The following MYT1L variants were observed in gnomAD, a reference collection of about 807,000 sequenced individuals.
The protein encoded by MYT1L is myelin transcription factor 1 like.
A neutral mutation model predicts 126.7 loss-of-function variants in MYT1L; 12 were observed. That is an observed-to-expected ratio of 0.09 (90% CI 0.06 to 0.15). MYT1L has a LOEUF of 0.15. Ranked by LOEUF, MYT1L falls within the 10% of genes least tolerant of loss-of-function variation. The probability of loss-of-function intolerance (pLI) is 1.00; values close to 1 mark genes in which losing one functional copy is unlikely to be tolerated. For synonymous variants in MYT1L, 541 were observed against 604.2 expected, an observed-to-expected ratio of 0.90 and a Z score of 1.53; for missense variants, 979 against 1,585.2, an observed-to-expected ratio of 0.62 and a Z score of 6.49.
At chr2:1,809,010 C>T (rs2036160344) in intron 22 of MYT1L, 66 bp downstream of exon 22, 1 of 1,400,124 alleles carries the variant, frequency 7.1e-7, no homozygotes, top group Non-Finnish European at 1.0e-6. Context: ...GGACACACAG[C>T]TGGCATGGCC....
chr2:1,892,982 A>T (rs916171341), intron 14 of MYT1L, among the ~76,000 whole-genome samples: 1 of 152,274 alleles, frequency 6.6e-6, no homozygotes. Context: ...GCTCAGGATA[A>T]ATGTCGAAAC....
At chr2:2,119,757 T>C (rs1028202388) in intron 3 of MYT1L, among the ~76,000 whole-genome samples, 4 of 152,238 alleles carry the variant, frequency 2.6e-5, no homozygotes, top group Admixed American at 6.5e-5. Flanking sequence ...TACTCAAGTA[T>C]ACAAAACTGT....
chr2:1,940,237 T>C (rs1261567579), intron 9 of MYT1L, among the ~76,000 whole-genome samples: 2 of 150,722 alleles, frequency 1.3e-5, no homozygotes, highest in Admixed American at 1.3e-4. Flanking sequence ...GTAAACTGGG[T>C]GCACCTGTCT....
At chr2:2,157,609 G>A (rs528252746) in intron 3 of MYT1L, among the ~76,000 whole-genome samples, 1 of 152,252 alleles carries the variant, frequency 6.6e-6, no homozygotes, top group Admixed American at 6.5e-5. Flanking sequence ...TGATACATGT[G>A]CTGAGCATAT....
At chr2:2,184,592 T>C (rs1247284890) in intron 2 of MYT1L, among the ~76,000 whole-genome samples, 2 of 152,254 alleles carry the variant, frequency 1.3e-5, no homozygotes, top group Admixed American at 6.5e-5. Flanking sequence ...ACACTCCAAT[T>C]TGCCCAACCT....
intron 3 of MYT1L, among the ~76,000 whole-genome samples, chr2:2,056,804 A>G (rs985535405): frequency 1.1e-4 from 16 of 152,256 alleles, no homozygotes; most frequent in African/African-American, 3.4e-4. Context: ...TGGGGCTCTC[A>G]GTCACACTCT....
At chr2:1,886,456 C>A in intron 18 of MYT1L, 83 bp downstream of exon 18, 1 of 1,035,052 alleles carries the variant, frequency 9.7e-7, no homozygotes. Flanking sequence ...AGACATTTTT[C>A]TTTGCAAATG....
chr2:2,296,558 T>A (rs1455374703), intron 1 of MYT1L, among the ~76,000 whole-genome samples: 2 of 152,196 alleles, frequency 1.3e-5, no homozygotes, highest in African/African-American at 4.8e-5. Context: ...GATGTTTTGT[T>A]TTTTTCTAGA....
chr2:1,823,963 C>G (rs149425810), intron 21 of MYT1L, among the ~76,000 whole-genome samples: 5 of 152,280 alleles, frequency 3.3e-5, no homozygotes, highest in Non-Finnish European at 7.3e-5. Flanking sequence ...TGGGCCTCGC[C>G]GTCCCTGGCA....
chr2:1,849,055 G>T (rs2042873877), intron 19 of MYT1L, among the ~76,000 whole-genome samples: 1 of 151,846 alleles, frequency 6.6e-6, no homozygotes, highest in Non-Finnish European at 1.5e-5. Flanking sequence ...TTAATCATGG[G>T]TTTGTGCTAT....
chr2:2,102,632 G>C (rs2078238020), intron 3 of MYT1L, among the ~76,000 whole-genome samples: 2 of 148,572 alleles, frequency 1.3e-5, no homozygotes, highest in South Asian at 2.1e-4. Flanking sequence ...GTGTGTGTGT[G>C]TGTGTGTGTG....
chr2:2,138,245 G>A, intron 3 of MYT1L, among the ~76,000 whole-genome samples: 1 of 150,592 alleles, frequency 6.6e-6, no homozygotes, highest in Non-Finnish European at 1.5e-5. Flanking sequence ...CACTGTTGGT[G>A]GGACTGGAAA....
chr2:2,203,023 A>G (rs1233116166), intron 2 of MYT1L, among the ~76,000 whole-genome samples: 1 of 150,924 alleles, frequency 6.6e-6, no homozygotes, highest in Non-Finnish European at 1.5e-5. Flanking sequence ...GACAAAAACC[A>G]CATGATTATC....
At chr2:1,818,510 A>G (rs977749184) in intron 21 of MYT1L, among the ~76,000 whole-genome samples, 4 of 152,236 alleles carry the variant, frequency 2.6e-5, no homozygotes, top group Non-Finnish European at 5.9e-5. Flanking sequence ...CTCCAGGTGT[A>G]CACTGTTACT....
At chr2:1,822,390 C>T (rs2038669178) in intron 21 of MYT1L, among the ~76,000 whole-genome samples, 1 of 152,250 alleles carries the variant, frequency 6.6e-6, no homozygotes, top group South Asian at 2.1e-4. Flanking sequence ...TATTGAGGAA[C>T]ACACGTGCAC....
intron 18 of MYT1L, among the ~76,000 whole-genome samples, chr2:1,868,977 G>A (rs2045938780): frequency 6.6e-6 from 1 of 152,182 alleles, no homozygotes; most frequent in Non-Finnish European, 1.5e-5. Flanking sequence ...CAGAGATAAG[G>A]ATATACAGCC....
At chr2:1,908,039 T>C (rs765023760) in intron 13 of MYT1L, among the ~76,000 whole-genome samples, 66 of 152,344 alleles carry the variant, frequency 4.3e-4, no homozygotes, top group Non-Finnish European at 8.4e-4. Flanking sequence ...CGTCTCTTTC[T>C]TCTTGTTAAA....
Position 2,060,808 on chromosome 2 carries a change from TTCTCTCTCTCTCTTTCCCTC to T in MYT1L, c.-303-6705_-303-6686del, listed in dbSNP as rs1327163897. Among the ~76,000 whole-genome samples the T allele has an allele frequency of 3.4e-4, 50 of 146,162 alleles. 1 individual carries two copies. Among genetic ancestry groups the T allele is most frequent in the South Asian group, 1.4e-3 (6 of 4,424 alleles). On this transcript the variant is annotated intron_variant, in intron 3 of 24. Coordinates refer to ENST00000647738, the MANE Select transcript of MYT1L (RefSeq NM_001303052.2). ...TCCTTTCCTTTCCTTTCCTTTCCTC[TTCTCTCTCTCTCTTTCCCTC>T]TCTCTCTCTCTCTTTCCCTCTCTCT...
At chr2:1,990,333 A>T (rs2061363443) in intron 5 of MYT1L, among the ~76,000 whole-genome samples, 1 of 152,208 alleles carries the variant, frequency 6.6e-6, no homozygotes, top group African/African-American at 2.4e-5. Context: ...ACACTTCCTG[A>T]GGGTGAGGGC....
Sources: allele counts gnomAD v4.1 joint callset (sites outside exome capture counted in the v4.1 genomes callset), GRCh38; gene constraint gnomAD v4.1.1; transcripts MANE v1.5; gene names NCBI Gene and HGNC (gene_info 2026-07-23, HGNC 2026-07-21).